PFDN1: variants seen among roughly 807,000 people sequenced by gnomAD.
The protein encoded by PFDN1 is prefoldin 1.
Under a neutral mutation model 17.3 loss-of-function variants are expected in PFDN1, and 6 were observed. The observed-to-expected ratio is 0.35, with a 90% confidence interval of 0.19 to 0.69. The LOEUF (loss-of-function observed/expected upper bound fraction) is 0.69. PFDN1 is among the 30% of genes least tolerant of loss of function. PFDN1 has a pLI of 0.65. For synonymous variants in PFDN1, 58 were observed against 50.1 expected, an observed-to-expected ratio of 1.16 and a Z score of -0.67; for missense variants, 113 against 146.2, an observed-to-expected ratio of 0.77 and a Z score of 1.17.
chr5:140,290,743 G>A (rs1329364237), intron 2 of PFDN1, among the ~76,000 whole-genome samples: 1 of 152,068 alleles, frequency 6.6e-6, no homozygotes, highest in African/African-American at 2.4e-5. Context: ...CTGGGGTGGT[G>A]GTTACATTTG....
chr5:140,259,784 G>C (rs183854717), intron 3 of PFDN1, among the ~76,000 whole-genome samples: 4 of 152,306 alleles, frequency 2.6e-5, no homozygotes, highest in African/African-American at 9.6e-5. Flanking sequence ...TGTGGCTAGA[G>C]CCTAAAGTCA....
intron 3 of PFDN1, among the ~76,000 whole-genome samples, chr5:140,257,129 A>G (rs1257305533): frequency 6.6e-6 from 1 of 151,714 alleles, no homozygotes; most frequent in Non-Finnish European, 1.5e-5. Context: ...AGGCTGAGGC[A>G]GGAGAATCGC....
intron 3 of PFDN1, among the ~76,000 whole-genome samples, chr5:140,249,718 G>T (rs1471041949): frequency 6.6e-6 from 1 of 152,186 alleles, no homozygotes; most frequent in Admixed American, 6.5e-5. Context: ...GCGAAGGGGA[G>T]CCACCTGTAC....
At position 140,254,158 on chromosome 5, in the gene PFDN1, G is replaced by A. The variant is rs1299276180; in HGVS notation, c.286-8101C>T. ...AGTCAGACAATGTGTAAACAAATGG[G>A]TGTGGTGCAGATGAATGGGCACGGC... On this transcript the variant is annotated intron_variant, in intron 3 of 3. Transcript: ENST00000261813. The surrounding 1 kb of genome is among the most constrained non-coding windows in gnomAD (Gnocchi z 4.4). Among the ~76,000 whole-genome samples the A allele has an allele frequency of 6.6e-6, 1 of 152,200 alleles. No individual in the cohort carries two copies. The highest frequency in any genetic ancestry group is 6.5e-5 in the Admixed American group (1 of 15,288).
chr5:140,251,640 T>C (rs1486660095), intron 3 of PFDN1, among the ~76,000 whole-genome samples: 2 of 152,150 alleles, frequency 1.3e-5, no homozygotes, highest in Admixed American at 6.5e-5. Flanking sequence ...ACAAGGGAAG[T>C]CTCTAGTGGC....
Position 140,245,074 on chromosome 5 carries a change from T to A in PFDN1, c.*900A>T, listed in dbSNP as rs900245406. On this transcript the variant is annotated 3_prime_UTR_variant, in exon 4 of 4. Transcript: ENST00000261813. ...CGTGGTCAAATGTAGTAATTAGGGA[T>A]GCATTTTGAATATTTATTGTCCTTG... 4.9e-6 allele frequency: 1 copy of A among 206,006 alleles called. No homozygotes were observed. The highest frequency in any genetic ancestry group is 2.3e-5 in the African/African-American group (1 of 42,586). The allele number at this position is 206,006 out of a possible 1,614,324, so 12.8% of individuals were successfully genotyped here.
At chr5:140,302,298 T>G (rs1486015333) in intron 1 of PFDN1, among the ~76,000 whole-genome samples, 1 of 152,184 alleles carries the variant, frequency 6.6e-6, no homozygotes, top group African/African-American at 2.4e-5. Flanking sequence ...CATACTGGTT[T>G]GGGGTCATTA....
chr5:140,301,065 G>A (rs912846539), intron 1 of PFDN1, among the ~76,000 whole-genome samples: 3 of 152,152 alleles, frequency 2.0e-5, no homozygotes, highest in African/African-American at 7.2e-5. Context: ...CCATGAGTTA[G>A]CATTGGCAGT....
intron 3 of PFDN1, among the ~76,000 whole-genome samples, chr5:140,268,925 A>C (rs766863042): frequency 6.6e-6 from 1 of 152,242 alleles, no homozygotes; most frequent in Non-Finnish European, 1.5e-5. Context: ...ATATCAAAGG[A>C]GATGCCATCA....
At chr5:140,276,146 G>A (rs193243780) in intron 3 of PFDN1, among the ~76,000 whole-genome samples, 9 of 152,182 alleles carry the variant, frequency 5.9e-5, no homozygotes, top group Admixed American at 1.3e-4. Context: ...GAAAACAGGA[G>A]CAACACCAAG....
chr5:140,271,754 T>C (rs1435377386), intron 3 of PFDN1, among the ~76,000 whole-genome samples: 1 of 151,994 alleles, frequency 6.6e-6, no homozygotes, highest in African/African-American at 2.4e-5. Context: ...GGTACTTCTA[T>C]ATGACGGGAT....
chr5:140,302,111 T>G (rs967300297), intron 1 of PFDN1, among the ~76,000 whole-genome samples: 1 of 152,256 alleles, frequency 6.6e-6, no homozygotes, highest in Non-Finnish European at 1.5e-5. Context: ...TTAACTAAGA[T>G]GTTGCTCATC....
rs188849199 is a variant in PFDN1 at position 140,299,797 on chromosome 5, A to G, written c.200+619T>C. On this transcript the variant is annotated intron_variant, in intron 2 of 3. Transcript: ENST00000261813. ...GGGAGGCTGAGGTGGGCGGATCAGGAGGTCAGGAGTTCCAGACCATCCTGG... is the reference window on the plus strand; with the variant it reads ...GGGAGGCTGAGGTGGGCGGATCAGGGGGTCAGGAGTTCCAGACCATCCTGG... Among the ~76,000 whole-genome samples, 22 of 151,980 alleles carry G rather than the reference A, an allele frequency of 1.4e-4. No individual in the cohort carries two copies. The East Asian group carries it at 4.3e-3, about 30-fold the overall frequency.
At chr5:140,283,455 G>A (rs879379506) in intron 2 of PFDN1, among the ~76,000 whole-genome samples, 5 of 152,124 alleles carry the variant, frequency 3.3e-5, no homozygotes, top group Non-Finnish European at 7.4e-5. Flanking sequence ...GGATGGTCTC[G>A]ATTTCCTGAC....
chr5:140,302,322 G>C (rs775853929), intron 1 of PFDN1, among the ~76,000 whole-genome samples: 1 of 152,226 alleles, frequency 6.6e-6, no homozygotes, highest in Non-Finnish European at 1.5e-5. Context: ...GTGTTAGAAT[G>C]CTGATCATTC....
rs144869833 is a variant in PFDN1, at chr5:140,273,991, T to C, written c.285+7458A>G. ...GGCAAAAATGTGTTCAAATGTATCA[T>C]TGAAAGTTTACATTTACCTCAAGGA... On this transcript the variant is annotated intron_variant, in intron 3 of 3. Transcript: ENST00000261813. 14 of 491,804 alleles carry C rather than the reference T, an allele frequency of 2.8e-5. No individual in the cohort carries two copies. The East Asian group carries it at 4.5e-4, about 16-fold the overall frequency. 30.5% of individuals were successfully genotyped at this position (491,804 alleles called of 1,614,324 possible).
chr5:140,272,022 T>TTTA (rs1561503746), intron 3 of PFDN1, among the ~76,000 whole-genome samples: 1 of 149,370 alleles, frequency 6.7e-6, no homozygotes, highest in African/African-American at 2.4e-5. Context: ...ATAAAATATA[T>TTTA]TTGTTGTTGT....
intron 2 of PFDN1, among the ~76,000 whole-genome samples, chr5:140,298,309 C>T (rs1765683395): frequency 6.6e-6 from 1 of 152,138 alleles, no homozygotes; most frequent in Non-Finnish European, 1.5e-5. Context: ...AAATTTTACA[C>T]ATGTTATTCT....
rs141382227 is a variant in PFDN1, at chr5:140,245,782, C to G, written c.*192G>C. 2.1e-4 allele frequency: 127 copies of G among 612,240 alleles called. No homozygotes were observed. The African/African-American group carries it at 2.2e-3, about 10-fold the overall frequency. 37.9% of individuals were successfully genotyped at this position (612,240 alleles called of 1,614,324 possible). A position where few individuals can be genotyped will look rare whatever the true frequency, so the allele number is the denominator to read the frequency against. On this transcript the variant is annotated 3_prime_UTR_variant, in exon 4 of 4. Coordinates refer to ENST00000261813, the MANE Select transcript of PFDN1 (RefSeq NM_002622.5). ...GGAAGAGTGTCCTGGGCAGAGGTGG[C>G]AGGCAAAGCCGGGTAAAAACTCCAG...
Sources: allele counts gnomAD v4.1 joint callset (sites outside exome capture counted in the v4.1 genomes callset), GRCh38; gene constraint gnomAD v4.1.1; non-coding constraint Gnocchi (gnomAD v3.1); transcripts MANE v1.5; gene names NCBI Gene and HGNC (gene_info 2026-07-23, HGNC 2026-07-21).